Variants in ST3GAL4 observed in about 807,000 individuals in gnomAD.
ST3GAL4 encodes ST3 beta-galactoside alpha-2,3-sialyltransferase 4.
Under a neutral mutation model 42.6 loss-of-function variants are expected in ST3GAL4, and 24 were observed. That is an observed-to-expected ratio of 0.56 (90% CI 0.41 to 0.79). The LOEUF is 0.79. ST3GAL4 is among the 30% of genes least tolerant of loss of function. The pLI is 0.00. For missense variants in ST3GAL4, 311 were observed against 430.8 expected, an observed-to-expected ratio of 0.72 and a Z score of 2.46; for synonymous variants, 135 against 163.2, an observed-to-expected ratio of 0.83 and a Z score of 1.32.
At chr11:126,382,713 C>T (rs544441961) in intron 1 of ST3GAL4, among the ~76,000 whole-genome samples, 6 of 152,304 alleles carry the variant, frequency 3.9e-5, no homozygotes, top group African/African-American at 1.4e-4. Flanking sequence ...GGGCTGGCTT[C>T]TGTGTGCAGA....
Position 126,413,643 on chromosome 11 carries a change from A to C in ST3GAL4, c.910A>C (p.Met304Leu), listed in dbSNP as rs1954625460. 1 of 1,614,048 alleles carries C rather than the reference A, an allele frequency of 6.2e-7. No homozygotes were observed. The highest frequency in any genetic ancestry group is 8.5e-7 in the Non-Finnish European group (1 of 1,180,004). The change falls in exon 10 of 11, where the codon ATG becomes CTG. Residue 304 changes from methionine to leucine, a missense_variant. By Grantham distance (15) the Met-to-Leu change is conservative. Coordinates refer to ENST00000444328, the MANE Select transcript of ST3GAL4 (RefSeq NM_001254757.2). ...CTATGAGCAGATCACGCTCAAGTCCATGGCGGTAAGTGCCTGGCTTGTGAG... is the reference window on the plus strand; with the variant it reads ...CTATGAGCAGATCACGCTCAAGTCCCTGGCGGTAAGTGCCTGGCTTGTGAG... ...HYYEQITLKS[M>L]AGSGHNVSQE...
rs1219093777 is a variant in ST3GAL4 at position 126,413,741 on chromosome 11, A to T, written c.915+93A>T. Reference sequence around the variant, plus strand: ...GTGAGTGGGAGCAGTGCTGAGACCCAGAGGTGGCTCCCGCAGTCAGAACTG... The same window carrying T: ...GTGAGTGGGAGCAGTGCTGAGACCCTGAGGTGGCTCCCGCAGTCAGAACTG... On this transcript the variant is annotated intron_variant, in intron 10 of 10. Transcript: ENST00000444328. 11 of 1,559,958 alleles carry T rather than the reference A, an allele frequency of 7.1e-6. No individual in the cohort carries two copies. The African/African-American group carries it at 1.5e-4, about 21-fold the overall frequency.
rs1953791071 is a variant in ST3GAL4 at position 126,396,824 on chromosome 11, T to A, written c.-60-9272T>A. On this transcript the variant is annotated intron_variant, in intron 1 of 10. Transcript: ENST00000444328. This position sits in a 1 kb window ranked among gnomAD's most constrained non-coding sequence, Gnocchi z 5.8. ...GTTACTGACCCCTTTCCCACCTTAG[T>A]TCCCTGGCTCTACAATGGAGGTAAT... is the stretch of plus-strand genomic sequence containing the variant. Among the ~76,000 whole-genome samples the A allele has an allele frequency of 6.6e-6, 1 of 151,784 alleles. No individual in the cohort carries two copies. The highest frequency in any genetic ancestry group is 6.6e-5 in the Admixed American group (1 of 15,256).
chr11:126,374,492 A>T (rs1393610176), intron 1 of ST3GAL4, among the ~76,000 whole-genome samples: 1 of 151,390 alleles, frequency 6.6e-6, no homozygotes, highest in Non-Finnish European at 1.5e-5. Flanking sequence ...AGAAAAGGAA[A>T]GCTGGATGAA....
chr11:126,364,774 CCT>C (rs1263057298), intron 1 of ST3GAL4, among the ~76,000 whole-genome samples: 6 of 151,440 alleles, frequency 4.0e-5, no homozygotes, highest in Non-Finnish European at 7.4e-5. Context: ...TCCCGGGCCC[CCT>C]CTCAGCCCAC....
intron 1 of ST3GAL4, among the ~76,000 whole-genome samples, chr11:126,394,054 G>A (rs1953625251): frequency 6.6e-6 from 1 of 152,262 alleles, no homozygotes; most frequent in South Asian, 2.1e-4. Flanking sequence ...GGGTGACCAA[G>A]TGGGATGTGG....
chr11:126,410,098 G>T lies in ST3GAL4; in HGVS notation c.771+687G>T, dbSNP rs1167596983. Among the ~76,000 whole-genome samples the T allele has an allele frequency of 6.6e-6, 1 of 152,056 alleles. No individual in the cohort carries two copies. Among genetic ancestry groups the T allele is most frequent in the East Asian group, 1.9e-4 (1 of 5,198 alleles). On this transcript the variant is annotated intron_variant, in intron 9 of 10. Transcript: ENST00000444328. This position sits in a 1 kb window ranked among gnomAD's most constrained non-coding sequence, Gnocchi z 5.3. ...TTTTAAATTTTTTTGTAGAGATGGGGGTCTCACTGTGTTGCCCAGGCTGGT... is the reference window on the plus strand; with the variant it reads ...TTTTAAATTTTTTTGTAGAGATGGGTGTCTCACTGTGTTGCCCAGGCTGGT...
At position 126,398,247 on chromosome 11, in the gene ST3GAL4, G is replaced by C. The variant is rs1485688201; in HGVS notation, c.-60-7849G>C. Among the ~76,000 whole-genome samples, 1 of 152,252 alleles carries C rather than the reference G, an allele frequency of 6.6e-6. No individual in the cohort carries two copies. The highest frequency in any genetic ancestry group is 1.5e-5 in the Non-Finnish European group (1 of 68,048). On this transcript the variant is annotated intron_variant, in intron 1 of 10. Coordinates refer to ENST00000444328, the MANE Select transcript of ST3GAL4 (RefSeq NM_001254757.2). This position sits in a 1 kb window ranked among gnomAD's most constrained non-coding sequence, Gnocchi z 4.7. ...ACAGTGATGGGACAGGCATAGGACA[G>C]ATATTCCATTCCAAAAGGGAGAGAT...
intron 1 of ST3GAL4, among the ~76,000 whole-genome samples, chr11:126,372,469 T>C (rs892986387): frequency 4.0e-5 from 6 of 150,706 alleles, no homozygotes; most frequent in African/African-American, 1.2e-4. Flanking sequence ...CAGGCTGGAG[T>C]GTAATGGCGC....
At chr11:126,358,899 G>A (rs1268509915) in intron 1 of ST3GAL4, among the ~76,000 whole-genome samples, 1 of 152,240 alleles carries the variant, frequency 6.6e-6, no homozygotes, top group Non-Finnish European at 1.5e-5. Context: ...TGCTGCTCGG[G>A]CTGAAGTGAG....
Position 126,383,709 on chromosome 11 carries a change from G to A in ST3GAL4, c.-60-22387G>A, listed in dbSNP as rs562025004. 1.2e-4 allele frequency among the ~76,000 whole-genome samples: 19 copies of A among 152,300 alleles called. No homozygotes were observed. Among genetic ancestry groups the A allele is most frequent in the African/African-American group, 4.3e-4 (18 of 41,568 alleles). ...TGTGAGCTGCAGGGACCGGAGAGCT[G>A]CTGGAAGGGGCTGTCTATGCCTTCA... On this transcript the variant is annotated intron_variant, in intron 1 of 10. Transcript: ENST00000444328. This position sits in a 1 kb window ranked among gnomAD's most constrained non-coding sequence, Gnocchi z 4.5.
chr11:126,382,484 G>T (rs1309921283), intron 1 of ST3GAL4, among the ~76,000 whole-genome samples: 3 of 150,610 alleles, frequency 2.0e-5, no homozygotes, highest in Admixed American at 2.0e-4. Flanking sequence ...ATCCCAGGCT[G>T]CAGGGGACTG....
intron 1 of ST3GAL4, chr11:126,358,507 G>C (rs1269095849): frequency 4.4e-6 from 2 of 454,430 alleles, no homozygotes; most frequent in African/African-American, 4.0e-5. Flanking sequence ...ATTTCGGGGA[G>C]GGAGGTGTGT....
Position 126,376,396 on chromosome 11 carries a change from G to T in ST3GAL4, c.-61+20554G>T, listed in dbSNP as rs1952834850. Reference sequence around the variant, plus strand: ...TGACAGTTTCAGAGGCAGGTGTTTGGAGAGTGAATGTAAAAGCAAAATGAA... The same window carrying T: ...TGACAGTTTCAGAGGCAGGTGTTTGTAGAGTGAATGTAAAAGCAAAATGAA... On this transcript the variant is annotated intron_variant, in intron 1 of 10. Coordinates refer to ENST00000444328, the MANE Select transcript of ST3GAL4 (RefSeq NM_001254757.2). The surrounding 1 kb of genome is among the most constrained non-coding windows in gnomAD (Gnocchi z 5.1). Among the ~76,000 whole-genome samples, 1 of 152,216 alleles carries T rather than the reference G, an allele frequency of 6.6e-6. No individual in the cohort carries two copies. Among genetic ancestry groups the T allele is most frequent in the Non-Finnish European group, 1.5e-5 (1 of 68,026 alleles).
In ST3GAL4 at chr11:126,376,824, G is replaced by C. The variant is rs1429499418; in HGVS notation, c.-61+20982G>C. The C allele has an allele frequency of 2.6e-5, 4 of 152,230 alleles. No individual in the cohort carries two copies. Among genetic ancestry groups the C allele is most frequent in the Non-Finnish European group, 5.9e-5 (4 of 68,052 alleles). The allele number at this position is 152,230 out of a possible 1,614,324, so 9.4% of individuals were successfully genotyped here. A position where few individuals can be genotyped will look rare whatever the true frequency, so the allele number is the denominator to read the frequency against. On this transcript the variant is annotated intron_variant, in intron 1 of 10. Transcript: ENST00000444328. The surrounding 1 kb of genome is among the most constrained non-coding windows in gnomAD (Gnocchi z 5.1). ...GTAGATGTTGTTGTCATCATCAGTAGGTAGGTTGGGGATGAGAATTCCATG... is the reference window on the plus strand; with the variant it reads ...GTAGATGTTGTTGTCATCATCAGTACGTAGGTTGGGGATGAGAATTCCATG...
chr11:126,381,649 T>C (rs1208648387), intron 1 of ST3GAL4, among the ~76,000 whole-genome samples: 2,727 of 140,940 alleles, frequency 0.019, 6 homozygotes, highest in African/African-American at 0.075. Context: ...AGCCACCGAC[T>C]TCTGCTTGTG....
chr11:126,380,578 A>G (rs1365948432), intron 1 of ST3GAL4, among the ~76,000 whole-genome samples: 2 of 152,182 alleles, frequency 1.3e-5, no homozygotes, highest in African/African-American at 2.4e-5. Flanking sequence ...TAATTTAGCT[A>G]ATTTTAGTTT....
At chr11:126,361,151 C>G (rs746532829) in intron 1 of ST3GAL4, among the ~76,000 whole-genome samples, 2 of 152,178 alleles carry the variant, frequency 1.3e-5, no homozygotes, top group East Asian at 3.8e-4. Flanking sequence ...CAGCTCCAAT[C>G]CCTATGTCAG....
chr11:126,399,691 A>G (rs1375949451), intron 1 of ST3GAL4, among the ~76,000 whole-genome samples: 1 of 152,162 alleles, frequency 6.6e-6, no homozygotes, highest in Non-Finnish European at 1.5e-5. Context: ...TCATACAGCA[A>G]CCAAAATGCT....
Sources: allele counts gnomAD v4.1 joint callset (sites outside exome capture counted in the v4.1 genomes callset), GRCh38; gene constraint gnomAD v4.1.1; non-coding constraint Gnocchi (gnomAD v3.1); transcripts MANE v1.5; gene names NCBI Gene and HGNC (gene_info 2026-07-23, HGNC 2026-07-21).